ELL2: variants seen among roughly 807,000 people sequenced by gnomAD.
ELL2 encodes the protein RNA polymerase II elongation factor ELL2.
In ELL2, 21 loss-of-function variants were observed where a neutral mutation model predicts 72.8. The observed-to-expected ratio is 0.29, with a 90% CI of 0.20 to 0.42. ELL2 has a LOEUF of 0.42. Among genes scored for constraint, ELL2 ranks in the 10% least tolerant of loss-of-function variants. The pLI is 1.00. For synonymous variants in ELL2, 266 were observed against 283.2 expected (o/e 0.94, Z 0.61); for missense variants, 568 against 772.8 (o/e 0.73, Z 3.14).
intron 2 of ELL2, among the ~76,000 whole-genome samples, chr5:95,923,249 A>G (rs1750162005): frequency 6.6e-6 from 1 of 151,764 alleles, no homozygotes; most frequent in South Asian, 2.1e-4. Flanking sequence ...TGAAAAAAAA[A>G]AAAGAAATAC....
intron 2 of ELL2, among the ~76,000 whole-genome samples, chr5:95,923,346 A>T (rs73771805): frequency 7.3e-4 from 111 of 152,194 alleles, no homozygotes; most frequent in African/African-American, 2.5e-3. Flanking sequence ...AGATTCTCAG[A>T]CTGCTAAAGA....
Position 95,947,437 on chromosome 5 carries a change from C to G in ELL2, c.148-4388G>C, listed in dbSNP as rs144922522. Among the ~76,000 whole-genome samples the G allele has an allele frequency of 1.1e-3, 162 of 152,298 alleles. 1 individual carries two copies. Among genetic ancestry groups the G allele is most frequent in the African/African-American group, 3.7e-3 (155 of 41,568 alleles). Reference sequence around the variant, plus strand: ...CATGCTTATAGTTCTACCTATACAGCTTGACTCCTCAACAAGAATAATTTT... The same window carrying G: ...CATGCTTATAGTTCTACCTATACAGGTTGACTCCTCAACAAGAATAATTTT... On this transcript the variant is annotated intron_variant, in intron 1 of 11. Coordinates refer to ENST00000237853, the MANE Select transcript of ELL2 (RefSeq NM_012081.6).
chr5:95,904,856 T>C (rs1383377023), intron 5 of ELL2, among the ~76,000 whole-genome samples: 1 of 152,198 alleles, frequency 6.6e-6, no homozygotes. Context: ...GTCAAAGTTA[T>C]GAATATGCCT....
At position 95,898,288 on chromosome 5, in the gene ELL2, C is replaced by T; in HGVS notation, c.1477G>A (p.Glu493Lys). ...IEEKEEDLKR[E>K]EEIAKLNNSS... ...TTATTTAGCTTGGCAATTTCCTCTTCTCTCTTAAGATCTTCCTCCTTTTCC... is the reference window on the plus strand; with the variant it reads ...TTATTTAGCTTGGCAATTTCCTCTTTTCTCTTAAGATCTTCCTCCTTTTCC... Residue 493 changes from glutamate (E) to lysine (K), a missense_variant, in exon 8 of 12, where the codon GAA (glutamate) becomes AAA (lysine). Physicochemically the swap from Glu to Lys is moderately conservative, Grantham distance 56. This residue lies in a region of ELL2 where 511 missense variants were observed against 728.4 expected (regional missense o/e 0.70). Transcript: ENST00000237853. The T allele has an allele frequency of 6.2e-7, 1 of 1,610,044 alleles. No homozygotes were observed. The highest frequency in any genetic ancestry group is 2.2e-5 in the East Asian group (1 of 44,872).
At chr5:95,901,250 TG>T in intron 5 of ELL2, 170 bp from the exon 6 acceptor site, 1 of 622,594 alleles carries the variant, frequency 1.6e-6, no homozygotes. Flanking sequence ...AACTTCATTT[TG>T]GGAATTAAAG....
chr5:95,961,456 C>T (rs908273290), intron 1 of ELL2, 119 bp downstream of exon 1: 14 of 1,241,502 alleles, frequency 1.1e-5, no homozygotes, highest in Non-Finnish European at 1.4e-5. Context: ...CTGGCCGCTG[C>T]GGGCGCTGAC....
At chr5:95,945,061 G>A (rs1003217953) in intron 1 of ELL2, among the ~76,000 whole-genome samples, 2 of 152,124 alleles carry the variant, frequency 1.3e-5, no homozygotes, top group African/African-American at 4.8e-5. Context: ...CCTGTTGGGT[G>A]ATAACTCTGA....
intron 1 of ELL2, among the ~76,000 whole-genome samples, chr5:95,948,980 T>C (rs756156340): frequency 5.3e-5 from 8 of 152,206 alleles, no homozygotes; most frequent in Non-Finnish European, 1.0e-4. Flanking sequence ...TCTTATGAAA[T>C]GTTGGGCATT....
chr5:95,907,508 C>T (rs932307100), intron 4 of ELL2, among the ~76,000 whole-genome samples: 7 of 151,958 alleles, frequency 4.6e-5, no homozygotes, highest in Admixed American at 3.9e-4. Flanking sequence ...AACCCATTTG[C>T]TGTTTAGACT....
intron 1 of ELL2, among the ~76,000 whole-genome samples, chr5:95,948,230 G>A (rs926675899): frequency 1.3e-5 from 2 of 151,962 alleles, no homozygotes; most frequent in Non-Finnish European, 2.9e-5. Context: ...AGGAGATAGA[G>A]ACCATCCTGG....
chr5:95,945,198 C>A (rs1342161078), intron 1 of ELL2, among the ~76,000 whole-genome samples: 2 of 152,102 alleles, frequency 1.3e-5, no homozygotes. Context: ...GAAACTAATT[C>A]CCCCATCCCC....
At position 95,906,730 on chromosome 5, in the gene ELL2, A is replaced by G. The variant is rs1749377917; in HGVS notation, c.534T>C (p.Pro178=). The G allele has an allele frequency of 6.2e-7, 1 of 1,613,782 alleles. No homozygotes were observed. The highest frequency in any genetic ancestry group is 1.3e-5 in the African/African-American group (1 of 74,884). Residue 178 remains proline (P), a synonymous_variant, in exon 5 of 12, where the codon CCT becomes CCC. Coordinates refer to ENST00000237853, the MANE Select transcript of ELL2 (RefSeq NM_012081.6). ...TCATGGGGGTTGACCTTTTCCTCTC[A>G]GGAACTGTATCTGAAACAGCTTGAG... ...KAPQAVSDTV[P]ERKRSTPMNP... is the part of the protein sequence containing the mutation.
rs148153073 is a variant in ELL2 at position 95,958,145 on chromosome 5, C to T, written c.147+3430G>A. Among the ~76,000 whole-genome samples, 436 of 152,244 alleles carry T rather than the reference C, an allele frequency of 2.9e-3. 1 individual carries two copies. The highest frequency in any genetic ancestry group is 0.01 in the Middle Eastern group (3 of 294). ...TCCTATATGAGTACAGGAATGGTGG[C>T]GGACAGTTTTATATGAGAAATTAAA... On this transcript the variant is annotated intron_variant, in intron 1 of 11. Transcript: ENST00000237853.
rs1366084779 is a variant in ELL2, at chr5:95,933,598, T to G, written c.195+9404A>C. Among the ~76,000 whole-genome samples, 3 of 140,874 alleles carry G rather than the reference T, an allele frequency of 2.1e-5. No homozygotes were observed. The South Asian group carries it at 7.2e-4, about 34-fold the overall frequency. 92.4% of individuals were successfully genotyped at this position (140,874 alleles called of 152,430 possible). A position where few individuals can be genotyped will look rare whatever the true frequency, so the allele number is the denominator to read the frequency against. ...ACTAGAAAGAAATTGAATAAAACTG[T>G]TTTTCACTATTAGGGACCCTTTTAT... On this transcript the variant is annotated intron_variant, in intron 2 of 11. Coordinates refer to ENST00000237853, the MANE Select transcript of ELL2 (RefSeq NM_012081.6).
At chr5:95,947,359 T>G (rs1751199120) in intron 1 of ELL2, among the ~76,000 whole-genome samples, 1 of 152,244 alleles carries the variant, frequency 6.6e-6, no homozygotes, top group South Asian at 2.1e-4. Flanking sequence ...AAATTTTGAC[T>G]ATATACAATC....
chr5:95,932,237 A>G (rs1414535774), intron 2 of ELL2, among the ~76,000 whole-genome samples: 1 of 152,210 alleles, frequency 6.6e-6, no homozygotes, highest in Non-Finnish European at 1.5e-5. Context: ...CAACACATCA[A>G]GAGCTAAATT....
At chr5:95,897,737 AGAT>A (rs1379821188) in intron 8 of ELL2, among the ~76,000 whole-genome samples, 8 of 152,362 alleles carry the variant, frequency 5.3e-5, no homozygotes, top group African/African-American at 1.9e-4. Context: ...CTCTAAATAA[AGAT>A]GATGTTATGA....
Position 95,898,803 on chromosome 5 carries a change from A to C in ELL2, c.962T>G (p.Leu321Arg). ...AGGATCAATAAACTCTGAATCCAAA[A>C]GCCGTTTCTAGGGGAGGGAAAAGGA... ...RDAVSSPQKR[L>R]LDSEFIDPLM... The change falls in exon 8 of 12, where the codon CTT becomes CGT. Residue 321 changes from leucine to arginine, a missense_variant. Transcript: ENST00000237853. 1 of 1,497,466 alleles carries C rather than the reference A, an allele frequency of 6.7e-7. No individual in the cohort carries two copies. Among genetic ancestry groups the C allele is most frequent in the South Asian group, 1.5e-5 (1 of 68,456 alleles). 92.8% of individuals were successfully genotyped at this position (1,497,466 alleles called of 1,614,324 possible).
chr5:95,906,539 C>A lies in ELL2; in HGVS notation c.725G>T (p.Gly242Val). The A allele has an allele frequency of 6.2e-7, 1 of 1,612,600 alleles. No individual in the cohort carries two copies. The highest frequency in any genetic ancestry group is 1.3e-5 in the African/African-American group (1 of 74,992). Residue 242 changes from glycine (G) to valine (V), a missense_variant, in exon 5 of 12, where the codon GGA becomes GTA. Transcript: ENST00000237853. The part of the protein sequence containing the change: ...GVNQKDKNSL[G>V]AILQQVANLN... Reference sequence around the variant, plus strand: ...TGTCCTCACCTGTTGCAGAATTGCTCCCAGGGAGTTCTTGTCTTTTTGATT... The same window carrying A: ...TGTCCTCACCTGTTGCAGAATTGCTACCAGGGAGTTCTTGTCTTTTTGATT...
Sources: allele counts gnomAD v4.1 joint callset (sites outside exome capture counted in the v4.1 genomes callset), GRCh38; gene constraint gnomAD v4.1.1; regional missense constraint gnomAD v4.1.1; transcripts MANE v1.5; gene names NCBI Gene and HGNC (gene_info 2026-07-23, HGNC 2026-07-21).